The following TTC39C variants were observed in gnomAD, a reference collection of about 807,000 sequenced individuals.
The protein encoded by TTC39C is tetratricopeptide repeat domain 39C.
TTC39C carries 33 observed loss-of-function variants against 76.3 expected under a neutral mutation model. The observed-to-expected ratio is 0.43, with a 90% confidence interval of 0.33 to 0.58. TTC39C has a LOEUF of 0.58. TTC39C is among the 20% of genes least tolerant of loss of function. The pLI is 0.04. For synonymous variants in TTC39C, 254 were observed against 260.6 expected (o/e 0.97, Z 0.24); for missense variants, 595 against 701.4 (o/e 0.85, Z 1.71).
intron 6 of TTC39C, among the ~76,000 whole-genome samples, chr18:24,110,935 G>A (rs964751535): frequency 6.6e-6 from 1 of 152,120 alleles, no homozygotes; most frequent in African/African-American, 2.4e-5. Flanking sequence ...ATGGCACTAA[G>A]TCAGTCCTGG....
At chr18:24,111,566 TA>T (rs56208965) in intron 6 of TTC39C, among the ~76,000 whole-genome samples, 104,226 of 138,460 alleles carry the variant, frequency 0.75, 39,275 homozygotes, top group Admixed American at 0.84. Flanking sequence ...AGACTCTGTC[TA>T]AAAAAAAAAA....
At chr18:24,005,397 A>T (rs986212129) in intron 1 of TTC39C, among the ~76,000 whole-genome samples, 1 of 151,912 alleles carries the variant, frequency 6.6e-6, no homozygotes, top group Non-Finnish European at 1.5e-5. Context: ...ATAATAAAAT[A>T]TTTTTTTTGC....
chr18:24,064,432 A>C (rs1416734642), intron 2 of TTC39C, among the ~76,000 whole-genome samples: 2 of 152,234 alleles, frequency 1.3e-5, no homozygotes, highest in East Asian at 1.9e-4. Context: ...TTTTAGAATA[A>C]AAATGTAATG....
At chr18:24,076,174 T>A (rs1287015079) in intron 4 of TTC39C, among the ~76,000 whole-genome samples, 2 of 152,070 alleles carry the variant, frequency 1.3e-5, no homozygotes, top group Non-Finnish European at 2.9e-5. Flanking sequence ...GAGACAGGGT[T>A]TCACCATGTT....
At chr18:24,023,976 A>G (rs1475357809) in intron 1 of TTC39C, among the ~76,000 whole-genome samples, 2 of 12,900 alleles carry the variant, frequency 1.6e-4, no homozygotes, top group African/African-American at 3.3e-4. Flanking sequence ...ATATATATAT[A>G]TATACATATA....
intron 6 of TTC39C, among the ~76,000 whole-genome samples, chr18:24,091,367 G>C (rs181213169): frequency 2.0e-5 from 3 of 152,146 alleles, no homozygotes; most frequent in African/African-American, 7.2e-5. Flanking sequence ...GCTTGAGCCC[G>C]GGGGATGGAG....
intron 1 of TTC39C, among the ~76,000 whole-genome samples, chr18:24,050,956 G>C (rs1442791491): frequency 6.6e-6 from 1 of 151,992 alleles, no homozygotes; most frequent in Non-Finnish European, 1.5e-5. Context: ...TCATGACTGA[G>C]TATATTTTGC....
intron 1 of TTC39C, among the ~76,000 whole-genome samples, chr18:24,054,959 C>G (rs896119448): frequency 6.6e-6 from 1 of 152,186 alleles, no homozygotes; most frequent in African/African-American, 2.4e-5. Context: ...ATGAATTTGA[C>G]TATGATAGGT....
chr18:24,122,297 T>C (rs1363403352), intron 8 of TTC39C, among the ~76,000 whole-genome samples: 1 of 151,750 alleles, frequency 6.6e-6, no homozygotes, highest in Admixed American at 6.6e-5. Flanking sequence ...GGCAGGCATA[T>C]CACGAGTACA....
intron 1 of TTC39C, chr18:24,016,855 C>G: frequency 2.5e-6 from 1 of 397,268 alleles, no homozygotes; most frequent in Non-Finnish European, 4.4e-6. Flanking sequence ...TACCTCTTTT[C>G]TGCCAAGCAC....
chr18:24,113,357 TGAG>T (rs2084841632), intron 6 of TTC39C: 2 of 565,536 alleles, frequency 3.5e-6, no homozygotes, highest in South Asian at 4.3e-5. Context: ...AGTGACGTGC[TGAG>T]GAGAGGAGCC....
rs1033063706 is a variant in TTC39C, at chr18:24,132,845, G to T, written c.*271G>T. On this transcript the variant is annotated 3_prime_UTR_variant, in exon 14 of 14. Coordinates refer to ENST00000317571, the MANE Select transcript of TTC39C (RefSeq NM_001135993.2). ...GACCTTGCTCAAACGTTTTAGTTTT[G>T]TGATTTATTATTTTTAAAATAAAAT... The T allele has an allele frequency of 1.9e-5, 6 of 308,022 alleles. No individual in the cohort carries two copies. In the Admixed American group the frequency reaches 3.0e-4, roughly 16 times the overall value. 19.1% of individuals were successfully genotyped at this position (308,022 alleles called of 1,614,324 possible). A position where few individuals can be genotyped will look rare whatever the true frequency, so the allele number is the denominator to read the frequency against.
At chr18:24,075,684 C>CAAAAAA (rs371486318) in intron 4 of TTC39C, among the ~76,000 whole-genome samples, 1 of 64,278 alleles carries the variant, frequency 1.6e-5, no homozygotes, top group Non-Finnish European at 3.8e-5. Context: ...GACCTTGTCT[C>CAAAAAA]AAAAAAAAAA....
chr18:24,063,422 G>A (rs1475988015), intron 1 of TTC39C, among the ~76,000 whole-genome samples: 6 of 151,848 alleles, frequency 4.0e-5, no homozygotes, highest in Non-Finnish European at 8.8e-5. Flanking sequence ...TTTTAAAAAT[G>A]ATCTAACTGG....
At chr18:24,096,991 A>G (rs2084597549) in intron 6 of TTC39C, among the ~76,000 whole-genome samples, 1 of 152,212 alleles carries the variant, frequency 6.6e-6, no homozygotes, top group Non-Finnish European at 1.5e-5. Context: ...AAATTAGGAA[A>G]CAAGAAGTCA....
At chr18:24,064,328 T>C in intron 2 of TTC39C, 140 bp downstream of exon 2, 2 of 850,060 alleles carry the variant, frequency 2.4e-6, no homozygotes, top group Non-Finnish European at 3.5e-6. Flanking sequence ...TTTTGCCTAT[T>C]ACCCAATGCC....
intron 1 of TTC39C, among the ~76,000 whole-genome samples, chr18:24,033,726 G>A (rs60664445): frequency 0.026 from 3,983 of 152,230 alleles, 130 homozygotes; most frequent in African/African-American, 0.079. Context: ...AGCTTTTCAG[G>A]CCACAAATCA....
rs565871224 is a variant in TTC39C, at chr18:24,014,930, C to T, written c.59C>T (p.Ala20Val). 1.7e-5 allele frequency: 26 copies of T among 1,524,314 alleles called. No homozygotes were observed. The Admixed American group carries it at 2.9e-4, about 17-fold the overall frequency. The allele number at this position is 1,524,314 out of a possible 1,614,324, so 94.4% of individuals were successfully genotyped here. Residue 20 changes from alanine (A) to valine (V), a missense_variant, in exon 1 of 14, where the codon GCA becomes GTA. Transcript: ENST00000317571. The stretch of plus-strand genomic sequence containing the variant: ...CGGGACGACGGAGACTCGGACGCGG[C>T]AGCGGCGGCGGCGGCGCCCCTGCAG... Reference protein sequence around the residue: ...RRRDDGDSDAAAAAAAPLQDA... With the variant: ...RRRDDGDSDAVAAAAAPLQDA...
chr18:23,995,626 A>G (rs529407188), intron 1 of TTC39C, among the ~76,000 whole-genome samples: 99 of 152,266 alleles, frequency 6.5e-4, no homozygotes, highest in African/African-American at 2.0e-3. Flanking sequence ...GGGCTATTAC[A>G]AATAAAGCTG....
Sources: gnomAD v4.1 joint callset for allele counts (sites outside exome capture counted in the v4.1 genomes callset) on GRCh38, gnomAD v4.1.1 for gene constraint, MANE v1.5 for transcripts, NCBI Gene and HGNC (gene_info 2026-07-23, HGNC 2026-07-21) for gene names.